Variants in RFC5 observed in about 807,000 individuals in gnomAD.
RFC5 encodes replication factor C subunit 5.
RFC5 carries 26 observed loss-of-function variants against 44.3 expected under a neutral mutation model. The observed-to-expected ratio is 0.59, with a 90% CI of 0.43 to 0.81. The LOEUF (loss-of-function observed/expected upper bound fraction) is 0.81. Ranked by LOEUF, RFC5 falls within the 40% of genes least tolerant of loss-of-function variation. The pLI is 0.00. For synonymous variants in RFC5, 155 were observed against 155.2 expected (o/e 1.00, Z 0.01); for missense variants, 328 against 418.6 (o/e 0.78, Z 1.89).
At chr12:118,026,085 C>G (rs979569547) in intron 7 of RFC5, among the ~76,000 whole-genome samples, 2 of 152,016 alleles carry the variant, frequency 1.3e-5, no homozygotes, top group Admixed American at 1.3e-4. Flanking sequence ...TCAAATGATC[C>G]ATCTGCCTCA....
chr12:118,024,519 G>A (rs998682751), intron 5 of RFC5, among the ~76,000 whole-genome samples: 3 of 151,494 alleles, frequency 2.0e-5, no homozygotes, highest in Non-Finnish European at 4.4e-5. Context: ...TCCACCTCCC[G>A]GATTCAAGCA....
chr12:118,025,046 G>A (rs1365013169), intron 6 of RFC5, 36 bp downstream of exon 6: 20 of 1,594,360 alleles, frequency 1.3e-5, no homozygotes, highest in Non-Finnish European at 1.7e-5. Flanking sequence ...ATGGAGTGTA[G>A]TAGAAACAGG....
rs1593449949 is a variant in RFC5, at chr12:118,027,133, G to A, written c.793+115G>A. 4.7e-6 allele frequency: 5 copies of A among 1,065,774 alleles called. No homozygotes were observed. In the East Asian group the frequency reaches 7.2e-5, roughly 15 times the overall value. 66.0% of individuals were successfully genotyped at this position (1,065,774 alleles called of 1,614,324 possible). A position where few individuals can be genotyped will look rare whatever the true frequency, so the allele number is the denominator to read the frequency against. On this transcript the variant is annotated intron_variant, in intron 8 of 10. Transcript: ENST00000454402. Reference sequence around the variant, plus strand: ...AGGATGACTGGCTGCAGGCGACTCTGGTCAGCTTGTTGTGGGAGTGAGATG... The same window carrying A: ...AGGATGACTGGCTGCAGGCGACTCTAGTCAGCTTGTTGTGGGAGTGAGATG...
chr12:118,034,066 C>T, downstream of RFC5: 1 of 1,285,528 alleles, frequency 7.8e-7, no homozygotes, highest in Non-Finnish European at 1.1e-6. Context: ...TCTGGTTTTG[C>T]TACATTCTAT....
chr12:118,018,200 G>A (rs1424713927), intron 1 of RFC5: 1 of 536,494 alleles, frequency 1.9e-6, no homozygotes, highest in Non-Finnish European at 3.4e-6. Context: ...GGACAGAAGA[G>A]ATTTTACCTA....
chr12:118,036,361 G>A (rs202169586), downstream of RFC5: 608 of 1,614,076 alleles, frequency 3.8e-4, 1 homozygote, highest in Non-Finnish European at 4.4e-4. Context: ...GCCTTTCGCC[G>A]GTGTAGGGGT....
chr12:118,031,336 C>T lies in RFC5; in HGVS notation c.*58C>T. 3 of 1,189,824 alleles carry T rather than the reference C, an allele frequency of 2.5e-6. No homozygotes were observed. In the South Asian group the frequency reaches 3.8e-5, roughly 15 times the overall value. The allele number at this position is 1,189,824 out of a possible 1,614,324, so 73.7% of individuals were successfully genotyped here. ...TCAGCAGTGATGGGAGAACAGAGGA[C>T]AGTTCCAGGATAAACTGCTGCCTGG... On this transcript the variant is annotated 3_prime_UTR_variant, in exon 11 of 11. Transcript: ENST00000454402.
At chr12:118,028,111 T>G in intron 9 of RFC5, 81 bp downstream of exon 9, 2 of 845,818 alleles carry the variant, frequency 2.4e-6, no homozygotes, top group Non-Finnish European at 4.0e-6. Context: ...GACAGGAGGC[T>G]TCATTCTTGA....
downstream of RFC5, chr12:118,034,056 T>A: frequency 3.4e-6 from 4 of 1,159,638 alleles, no homozygotes; most frequent in South Asian, 5.8e-5. Context: ...TACACTGGAA[T>A]CTGGTTTTGC....
At chr12:118,027,881 G>T (rs552475163) in intron 8 of RFC5, 72 bp from the exon 9 acceptor site, 2 of 918,510 alleles carry the variant, frequency 2.2e-6, no homozygotes, top group Admixed American at 1.8e-5. Flanking sequence ...CTCTTGCCCG[G>T]GTTTGGATTC....
intron 6 of RFC5, 97 bp downstream of exon 6, chr12:118,025,107 A>G (rs2030845552): frequency 4.1e-6 from 5 of 1,216,408 alleles, no homozygotes; most frequent in Non-Finnish European, 5.7e-6. Flanking sequence ...ATGTTGGAAA[A>G]CGACTTTGCA....
Position 118,024,985 on chromosome 12 carries a change from C to T in RFC5, c.556C>T (p.Leu186=). Residue 186 remains leucine, a synonymous_variant, in exon 6 of 11, where the codon CTG becomes TTG. Transcript: ENST00000454402. The stretch of plus-strand genomic sequence containing the variant: ...GACTCCTGAACTCATGGTTCCCCGC[C>T]TGGAACATGTCGTGGAAGAAGAGAA... The part of the protein sequence containing the change: ...PLTPELMVPR[L]EHVVEEEKVD... 6.2e-7 allele frequency: 1 copy of T among 1,613,838 alleles called. No homozygotes were observed. Among genetic ancestry groups the T allele is most frequent in the East Asian group, 2.2e-5 (1 of 44,874 alleles).
At chr12:118,028,844 G>A (rs944863463) in intron 9 of RFC5, among the ~76,000 whole-genome samples, 3 of 152,200 alleles carry the variant, frequency 2.0e-5, no homozygotes, top group Admixed American at 1.3e-4. Context: ...AATTAAGTCA[G>A]CTTCTCGGAG....
At position 118,016,724 on chromosome 12, in the gene RFC5, A is replaced by T; in HGVS notation, c.-104A>T. 1 of 922,816 alleles carries T rather than the reference A, an allele frequency of 1.1e-6. No individual in the cohort carries two copies. Among genetic ancestry groups the T allele is most frequent in the Non-Finnish European group, 1.7e-6 (1 of 587,414 alleles). 57.2% of individuals were successfully genotyped at this position (922,816 alleles called of 1,614,324 possible). ...TCGCGAGAGTTGCTTTTGCGCGCGA[A>T]CTGTAAGTGCCAGGGTCTCAGGGTC... is the stretch of plus-strand genomic sequence containing the variant. On this transcript the variant is annotated 5_prime_UTR_variant, in exon 1 of 11. Transcript: ENST00000454402.
the RFC5 span, among the ~76,000 whole-genome samples, chr12:118,041,396 C>T: frequency 3.3e-5 from 5 of 152,336 alleles, no homozygotes; most frequent in South Asian, 2.1e-4. Context: ...ACTTCGCTCA[C>T]GGACTCCCCA....
At chr12:118,027,771 G>A (rs1430069107) in intron 8 of RFC5, among the ~76,000 whole-genome samples, 182 bp from the exon 9 acceptor site, 1 of 152,074 alleles carries the variant, frequency 6.6e-6, no homozygotes, top group African/African-American at 2.4e-5. Flanking sequence ...CCTTACTGAA[G>A]ATGAAACAAA....
chr12:118,022,301 A>G lies in RFC5; in HGVS notation c.363A>G (p.Leu121=). Residue 121 remains leucine (L), a synonymous_variant, in exon 5 of 11, where the codon CTA becomes CTG. Coordinates refer to ENST00000454402, the MANE Select transcript of RFC5 (RefSeq NM_007370.7). The stretch of plus-strand genomic sequence containing the variant: ...GTTTTTCTAGGAAAGGCTTTAAGCT[A>G]GTGATCTTGGATGAAGCAGACGCCA... ...TRTIFKKGFK[L]VILDEADAMT... The G allele has an allele frequency of 1.2e-6, 2 of 1,613,764 alleles. No individual in the cohort carries two copies. Among genetic ancestry groups the G allele is most frequent in the Non-Finnish European group, 1.7e-6 (2 of 1,179,674 alleles).
chr12:118,020,661 A>G (rs1438288426), intron 3 of RFC5, among the ~76,000 whole-genome samples: 1 of 152,246 alleles, frequency 6.6e-6, no homozygotes, highest in African/African-American at 2.4e-5. Context: ...AACCATACCA[A>G]TTAATTATTT....
intron 3 of RFC5, 82 bp from the exon 4 acceptor site, chr12:118,020,824 A>C: frequency 1.2e-6 from 1 of 827,228 alleles, no homozygotes; most frequent in Non-Finnish European, 2.1e-6. Context: ...AGCTGGACTG[A>C]TGAGGAAATA....
Sources: allele counts gnomAD v4.1 joint callset (sites outside exome capture counted in the v4.1 genomes callset), GRCh38; gene constraint gnomAD v4.1.1; transcripts MANE v1.5; gene names NCBI Gene and HGNC (gene_info 2026-07-23, HGNC 2026-07-21).